DNAAF11: variants seen among roughly 807,000 people sequenced by gnomAD.
DNAAF11 encodes dynein axonemal assembly factor 11, also known as leucine rich repeat containing 6.
DNAAF11 carries 45 observed loss-of-function variants against 60.8 expected under a neutral mutation model. The ratio of observed to expected loss-of-function variants is 0.74; its 90% CI spans 0.58 to 0.95. DNAAF11 has a LOEUF of 0.95. Ranked by LOEUF, DNAAF11 falls within the 40% of genes least tolerant of loss-of-function variation. DNAAF11 has a pLI of 0.00. For synonymous variants in DNAAF11, 191 were observed against 183.5 expected (o/e 1.04, Z -0.33); for missense variants, 546 against 546.2 (o/e 1.00, Z 0.00).
At chr8:132,619,170 T>C (rs1217474656) in intron 7 of DNAAF11, among the ~76,000 whole-genome samples, 1 of 152,012 alleles carries the variant, frequency 6.6e-6, no homozygotes, top group African/African-American at 2.4e-5. Context: ...AAACTGGAAA[T>C]CATCATTCTC....
the DNAAF11 span, among the ~76,000 whole-genome samples, chr8:132,694,450 C>G: frequency 6.6e-6 from 1 of 152,254 alleles, no homozygotes; most frequent in African/African-American, 2.4e-5. Flanking sequence ...GGGGAGGCCT[C>G]AGAAGAAACC....
At chr8:132,594,139 T>G (rs1390429007) in intron 10 of DNAAF11, among the ~76,000 whole-genome samples, 1 of 152,092 alleles carries the variant, frequency 6.6e-6, no homozygotes, top group African/African-American at 2.4e-5. Context: ...AAAAATCAGA[T>G]AAGGAATGAA....
chr8:132,671,348 T>C (rs183417292), intron 1 of DNAAF11, among the ~76,000 whole-genome samples: 2 of 152,340 alleles, frequency 1.3e-5, no homozygotes, highest in East Asian at 1.9e-4. Flanking sequence ...AGTCTGTCCA[T>C]TGAAAACTTC....
At chr8:132,629,121 T>C (rs553960190) in intron 5 of DNAAF11, among the ~76,000 whole-genome samples, 24 of 152,238 alleles carry the variant, frequency 1.6e-4, no homozygotes, top group African/African-American at 5.8e-4. Flanking sequence ...TTCAACACAG[T>C]AACAGAAAAA....
intron 10 of DNAAF11, among the ~76,000 whole-genome samples, chr8:132,584,384 A>G (rs1204640616): frequency 6.6e-6 from 1 of 152,222 alleles, no homozygotes; most frequent in Non-Finnish European, 1.5e-5. Flanking sequence ...ATTGAGACCC[A>G]GTACCTCCTC....
intron 3 of DNAAF11, among the ~76,000 whole-genome samples, chr8:132,642,499 T>C (rs766237989): frequency 5.3e-5 from 8 of 152,348 alleles, no homozygotes; most frequent in Non-Finnish European, 1.2e-4. Context: ...CCTAGATGTC[T>C]GAAATGCTCA....
At chr8:132,643,744 G>A (rs1004848918) in intron 3 of DNAAF11, 3 of 455,848 alleles carry the variant, frequency 6.6e-6, no homozygotes, top group Non-Finnish European at 1.3e-5. Context: ...AATACTTGGA[G>A]ACAAGCATAA....
At chr8:132,676,388 G>C (rs541051943), upstream of DNAAF11, among the ~76,000 whole-genome samples, 3 of 152,086 alleles carry the variant, frequency 2.0e-5, no homozygotes, top group African/African-American at 7.2e-5. Flanking sequence ...TCTTTAAAAG[G>C]TACCATTATT....
chr8:132,610,038 T>C, intron 10 of DNAAF11, 128 bp downstream of exon 10: 1 of 622,002 alleles, frequency 1.6e-6, no homozygotes, highest in Non-Finnish European at 2.9e-6. Flanking sequence ...CCTCAGCTGC[T>C]GTGAGATTTC....
intron 10 of DNAAF11, among the ~76,000 whole-genome samples, chr8:132,607,616 G>A (rs150800401): frequency 1.6e-4 from 24 of 152,216 alleles, no homozygotes; most frequent in Middle Eastern, 3.4e-3. Context: ...ATGAAAAAAC[G>A]CTGAGTAACC....
chr8:132,633,326 G>GA (rs1324552885), intron 4 of DNAAF11, among the ~76,000 whole-genome samples: 3 of 151,364 alleles, frequency 2.0e-5, no homozygotes, highest in Admixed American at 6.6e-5. Context: ...GCTCTCTACA[G>GA]AAAAAAAAGG....
the DNAAF11 span, among the ~76,000 whole-genome samples, chr8:132,690,732 C>T: frequency 6.6e-6 from 1 of 152,098 alleles, no homozygotes; most frequent in East Asian, 1.9e-4. Context: ...TTCTCAGGCT[C>T]CTCTTGTTTT....
intron 3 of DNAAF11, among the ~76,000 whole-genome samples, chr8:132,642,164 G>A (rs1469149827): frequency 6.6e-6 from 1 of 152,154 alleles, no homozygotes; most frequent in African/African-American, 2.4e-5. Flanking sequence ...TTTCTCAAAT[G>A]TTGTAAGTAT....
At chr8:132,573,924 T>A (rs979640664) in intron 11 of DNAAF11, among the ~76,000 whole-genome samples, 7 of 152,172 alleles carry the variant, frequency 4.6e-5, no homozygotes, top group Admixed American at 3.9e-4. Context: ...AAACTCCGTA[T>A]GCCACAGGAA....
At chr8:132,670,975 A>G (rs1825132204) in intron 1 of DNAAF11, among the ~76,000 whole-genome samples, 1 of 152,176 alleles carries the variant, frequency 6.6e-6, no homozygotes, top group African/African-American at 2.4e-5. Context: ...AGCATCCACA[A>G]AACACCTATA....
chr8:132,648,837 A>G (rs1294688390), intron 3 of DNAAF11, among the ~76,000 whole-genome samples: 1 of 152,206 alleles, frequency 6.6e-6, no homozygotes, highest in Non-Finnish European at 1.5e-5. Context: ...AGAACTACAA[A>G]CCACTGCTCA....
chr8:132,622,553 G>A, intron 7 of DNAAF11, 58 bp downstream of exon 7: 1 of 1,263,092 alleles, frequency 7.9e-7, no homozygotes, highest in East Asian at 2.3e-5. Context: ...AACAATGATT[G>A]ACCAACACCA....
intron 10 of DNAAF11, among the ~76,000 whole-genome samples, chr8:132,585,220 G>T (rs762479938): frequency 6.6e-6 from 1 of 152,162 alleles, no homozygotes; most frequent in Non-Finnish European, 1.5e-5. Flanking sequence ...CTCCTAGATG[G>T]CAGTCCTTTT....
intron 3 of DNAAF11, among the ~76,000 whole-genome samples, chr8:132,642,891 G>A (rs371711930): frequency 5.3e-5 from 8 of 152,258 alleles, no homozygotes; most frequent in Non-Finnish European, 7.4e-5. Context: ...TTAGAGCAGC[G>A]GTCTCCAACA....
Sources: allele counts gnomAD v4.1 joint callset (sites outside exome capture counted in the v4.1 genomes callset), GRCh38; gene constraint gnomAD v4.1.1; transcripts MANE v1.5; gene names NCBI Gene and HGNC (gene_info 2026-07-23, HGNC 2026-07-21).